SETBP1: variants seen among roughly 807,000 people sequenced by gnomAD.
SETBP1 encodes the protein SET binding protein 1, also known as SET-binding protein.
A neutral mutation model predicts 101.0 loss-of-function variants in SETBP1; 9 were observed. That is an observed-to-expected ratio of 0.09 (90% confidence interval 0.05 to 0.16). The LOEUF (loss-of-function observed/expected upper bound fraction) is 0.16, where lower values mean the gene tolerates loss of function less well. Ranked by LOEUF, SETBP1 falls within the 10% of genes least tolerant of loss-of-function variation. SETBP1 has a pLI of 1.00. For missense variants in SETBP1, 1,858 were observed against 2,033.8 expected, an observed-to-expected ratio of 0.91 and a Z score of 1.66; for synonymous variants, 818 against 788.5, an observed-to-expected ratio of 1.04 and a Z score of -0.63.
At chr18:44,954,329 T>TAAAAAAA (rs5824565) in intron 4 of SETBP1, among the ~76,000 whole-genome samples, 2 of 71,606 alleles carry the variant, frequency 2.8e-5, no homozygotes, top group Admixed American at 1.5e-4. Context: ...TTGCAGAAGC[T>TAAAAAAA]AAAAAAAAAA....
At chr18:44,877,031 C>T (rs999588903) in intron 3 of SETBP1, 15 of 1,133,358 alleles carry the variant, frequency 1.3e-5, no homozygotes, top group East Asian at 4.7e-5. Context: ...CTTGCTCAGA[C>T]GATCACTTAG....
intron 2 of SETBP1, among the ~76,000 whole-genome samples, chr18:44,831,323 A>G (rs1295031073): frequency 1.3e-5 from 2 of 152,230 alleles, no homozygotes; most frequent in Non-Finnish European, 2.9e-5. Context: ...ACATGTGATT[A>G]AGGGATATCT....
chr18:44,719,084 A>T (rs4084232), intron 2 of SETBP1, among the ~76,000 whole-genome samples: 85,965 of 151,916 alleles, frequency 0.57, 24,655 homozygotes, highest in Middle Eastern at 0.67. Flanking sequence ...GATGTCCTTG[A>T]AAGTCCCAGC....
rs117461441 is a variant in SETBP1, at chr18:44,943,067, G to A, written c.541-6814G>A. Among the ~76,000 whole-genome samples the A allele has an allele frequency of 8.0e-3, 1,220 of 152,256 alleles. 5 individuals are homozygous for A. Among genetic ancestry groups the A allele is most frequent in the Non-Finnish European group, 0.014 (981 of 68,024 alleles). On this transcript the variant is annotated intron_variant, in intron 3 of 5. Transcript: ENST00000649279. The stretch of plus-strand genomic sequence containing the variant: ...TAAGATCATGGTACTAAAAAGATAC[G>A]TAGTGACATTCTTCTCACAACTACC...
intron 2 of SETBP1, among the ~76,000 whole-genome samples, chr18:44,783,018 TC>T (rs1366926725): frequency 6.6e-6 from 1 of 152,192 alleles, no homozygotes; most frequent in East Asian, 1.9e-4. Context: ...TGAACTGAAG[TC>T]TGAATATCTA....
rs374732078 is a variant in SETBP1 at position 44,968,250 on chromosome 18, TAC to T, written c.4000+14924_4000+14925del. Among the ~76,000 whole-genome samples the T allele has an allele frequency of 2.8e-3, 425 of 151,640 alleles. 3 individuals are homozygous for T. The highest frequency in any genetic ancestry group is 9.6e-3 in the African/African-American group (399 of 41,382). ...AAATATTGCACTTATTCATTCATCA[TAC>T]ACACACACACACAATTCCTGGGAAT... is the stretch of plus-strand genomic sequence containing the variant. On this transcript the variant is annotated intron_variant, in intron 4 of 5. Coordinates refer to ENST00000649279, the MANE Select transcript of SETBP1 (RefSeq NM_015559.3).
At chr18:44,868,549 G>A (rs1322649317) in intron 2 of SETBP1, among the ~76,000 whole-genome samples, 1 of 152,010 alleles carries the variant, frequency 6.6e-6, no homozygotes, top group East Asian at 1.9e-4. Flanking sequence ...ACAAAAATTA[G>A]CCGGGCATGG....
rs540497370 is a variant in SETBP1, at chr18:44,832,697, A to G, written c.487-36533A>G. ...CCTCTGAGGCAGGGCTGATGGGCCC[A>G]CCAGGTTCTCATTACAGGGGCCTGG... On this transcript the variant is annotated intron_variant, in intron 2 of 5. Coordinates refer to ENST00000649279, the MANE Select transcript of SETBP1 (RefSeq NM_015559.3). Among the ~76,000 whole-genome samples, 4 of 152,080 alleles carry G rather than the reference A, an allele frequency of 2.6e-5. No individual in the cohort carries two copies. In the East Asian group the frequency reaches 7.7e-4, roughly 29 times the overall value.
intron 2 of SETBP1, among the ~76,000 whole-genome samples, chr18:44,760,726 T>C (rs1441308284): frequency 1.3e-5 from 2 of 152,198 alleles, no homozygotes; most frequent in Non-Finnish European, 2.9e-5. Context: ...AGAATTTGAT[T>C]TTTTTATAAG....
chr18:44,932,963 A>G (rs2070871694), intron 3 of SETBP1, among the ~76,000 whole-genome samples: 1 of 152,212 alleles, frequency 6.6e-6, no homozygotes, highest in Admixed American at 6.5e-5. Flanking sequence ...CGTCAAAGTC[A>G]TTCTCTCTCC....
intron 2 of SETBP1, among the ~76,000 whole-genome samples, chr18:44,865,336 GAGAC>G (rs1056918163): frequency 1.3e-5 from 2 of 152,282 alleles, no homozygotes; most frequent in Non-Finnish European, 2.9e-5. Flanking sequence ...TGAAGGTAGA[GAGAC>G]AGGCACAGTG....
At chr18:44,901,063 A>G (rs2070034367) in intron 3 of SETBP1, among the ~76,000 whole-genome samples, 1 of 152,230 alleles carries the variant, frequency 6.6e-6, no homozygotes, top group African/African-American at 2.4e-5. Flanking sequence ...TCTTTAATAT[A>G]TAAAACAGAA....
intron 4 of SETBP1, among the ~76,000 whole-genome samples, chr18:44,960,423 C>T (rs1293478809): frequency 2.6e-5 from 4 of 152,178 alleles, no homozygotes; most frequent in Non-Finnish European, 4.4e-5. Context: ...AAACCTCCAA[C>T]TTCTGGGCTC....
chr18:44,863,067 C>T (rs1255624852), intron 2 of SETBP1, among the ~76,000 whole-genome samples: 2 of 152,202 alleles, frequency 1.3e-5, no homozygotes, highest in African/African-American at 4.8e-5. Flanking sequence ...GAAAGAGTAG[C>T]AACCTATTGG....
At chr18:44,990,737 T>C (rs2072350819) in intron 4 of SETBP1, among the ~76,000 whole-genome samples, 1 of 151,786 alleles carries the variant, frequency 6.6e-6, no homozygotes, top group Non-Finnish European at 1.5e-5. Context: ...AGGAATAGCA[T>C]AGAAGTACTA....
intron 2 of SETBP1, among the ~76,000 whole-genome samples, chr18:44,739,189 A>G (rs2070045122): frequency 6.6e-6 from 1 of 152,154 alleles, no homozygotes; most frequent in Non-Finnish European, 1.5e-5. Flanking sequence ...TTGATCTAAG[A>G]CAGTCTATTT....
chr18:45,046,997 T>G (rs527873049), intron 5 of SETBP1, among the ~76,000 whole-genome samples: 1 of 152,346 alleles, frequency 6.6e-6, no homozygotes, highest in African/African-American at 2.4e-5. Flanking sequence ...ATGACAGGTT[T>G]GAAAGTGCTG....
intron 4 of SETBP1, among the ~76,000 whole-genome samples, chr18:45,021,315 C>G (rs1182126868): frequency 6.6e-6 from 1 of 152,136 alleles, no homozygotes; most frequent in Non-Finnish European, 1.5e-5. Flanking sequence ...TATTAGGATG[C>G]CACGGTTTAA....
At chr18:44,988,979 A>G (rs535755668) in intron 4 of SETBP1, 1 of 152,338 alleles carries the variant, frequency 6.6e-6, no homozygotes, top group South Asian at 2.1e-4. Context: ...GTGGAAGTGC[A>G]TATTATCTCT....
Sources: allele counts gnomAD v4.1 joint callset (sites outside exome capture counted in the v4.1 genomes callset), GRCh38; gene constraint gnomAD v4.1.1; transcripts MANE v1.5; gene names NCBI Gene and HGNC (gene_info 2026-07-23, HGNC 2026-07-21).